The following NPNT variants were observed in gnomAD, a reference collection of about 807,000 sequenced individuals.
NPNT encodes the protein preosteoblast EGF-like repeat protein with MAM domain.
A neutral mutation model predicts 68.6 loss-of-function variants in NPNT; 45 were observed. The ratio of observed to expected loss-of-function variants is 0.66; its 90% CI spans 0.52 to 0.84. The LOEUF is 0.84. Ranked by LOEUF, NPNT falls within the 40% of genes least tolerant of loss-of-function variation. NPNT has a pLI of 0.00. For synonymous variants in NPNT, 233 were observed against 253.3 expected (o/e 0.92, Z 0.76); for missense variants, 672 against 714.8 (o/e 0.94, Z 0.68).
At chr4:105,950,975 AGACT>A (rs1253337577) in intron 8 of NPNT, among the ~76,000 whole-genome samples, 2 of 152,172 alleles carry the variant, frequency 1.3e-5, no homozygotes, top group Non-Finnish European at 2.9e-5. Flanking sequence ...GTTAAATTGA[AGACT>A]GACTGAGTGT....
chr4:105,896,537 T>C (rs1212952025), intron 1 of NPNT, among the ~76,000 whole-genome samples: 1 of 152,156 alleles, frequency 6.6e-6, no homozygotes, highest in African/African-American at 2.4e-5. Context: ...ACTAGGCTCG[T>C]CCCGGGTGCA....
intron 2 of NPNT, among the ~76,000 whole-genome samples, chr4:105,913,914 G>T (rs1028925768): frequency 6.6e-6 from 1 of 152,100 alleles, no homozygotes; most frequent in Non-Finnish European, 1.5e-5. Flanking sequence ...GAATTGAATT[G>T]TTGAATGTGA....
intron 7 of NPNT, 47 bp from the exon 8 acceptor site, chr4:105,942,260 T>C: frequency 2.7e-6 from 4 of 1,463,034 alleles, no homozygotes; most frequent in Non-Finnish European, 3.7e-6. Flanking sequence ...GCTTCACTTT[T>C]TAGGGAGGAA....
chr4:105,916,102 C>T (rs1727796324), intron 2 of NPNT, among the ~76,000 whole-genome samples: 1 of 152,174 alleles, frequency 6.6e-6, no homozygotes, highest in Admixed American at 6.5e-5. Flanking sequence ...TCATCCTCTA[C>T]AAACATATTT....
chr4:105,953,538 G>A (rs1730990076), intron 8 of NPNT, among the ~76,000 whole-genome samples: 1 of 152,172 alleles, frequency 6.6e-6, no homozygotes, highest in Admixed American at 6.5e-5. Context: ...CCTTTTATTT[G>A]CTTTTCTCTC....
Position 105,970,210 on chromosome 4 carries a change from A to G in NPNT, c.*1220A>G. On this transcript the variant is annotated 3_prime_UTR_variant, in exon 12 of 12. Transcript: ENST00000379987. ...ATGTGTTGGAACGGGATTTACACAC[A>G]CTGGAGGAGCAGGGCAAGTTGGAAT... The G allele has an allele frequency of 1.8e-6, 1 of 558,772 alleles. No individual in the cohort carries two copies. The highest frequency in any genetic ancestry group is 3.2e-6 in the Non-Finnish European group (1 of 311,582). 34.6% of individuals were successfully genotyped at this position (558,772 alleles called of 1,614,324 possible).
intron 10 of NPNT, among the ~76,000 whole-genome samples, chr4:105,962,430 T>C (rs996226624): frequency 6.6e-6 from 1 of 152,010 alleles, no homozygotes; most frequent in Non-Finnish European, 1.5e-5. Flanking sequence ...GGGTAAAAAA[T>C]ACAGGGAGAT....
chr4:105,916,220 A>G (rs1190709748), intron 2 of NPNT, among the ~76,000 whole-genome samples: 1 of 147,804 alleles, frequency 6.8e-6, no homozygotes, highest in East Asian at 1.9e-4. Context: ...GTGAATTCGT[A>G]CTTTTTTTTT....
chr4:105,907,631 A>G (rs1727016971), intron 2 of NPNT, among the ~76,000 whole-genome samples: 1 of 152,214 alleles, frequency 6.6e-6, no homozygotes, highest in South Asian at 2.1e-4. Context: ...ATAACCAGCT[A>G]CAACCATAGA....
intron 2 of NPNT, among the ~76,000 whole-genome samples, chr4:105,905,627 G>T (rs1352197741): frequency 6.6e-6 from 1 of 152,056 alleles, no homozygotes; most frequent in Non-Finnish European, 1.5e-5. Context: ...GCCATTACAT[G>T]AATGAATGTA....
intron 8 of NPNT, among the ~76,000 whole-genome samples, chr4:105,945,427 A>G (rs1354264261): frequency 6.6e-6 from 1 of 152,162 alleles, no homozygotes; most frequent in African/African-American, 2.4e-5. Flanking sequence ...TCTCAAACTC[A>G]ACATGTATAG....
chr4:105,936,393 A>G (rs4590036), intron 3 of NPNT, among the ~76,000 whole-genome samples: 89 of 152,128 alleles, frequency 5.9e-4, no homozygotes, highest in Admixed American at 1.6e-3. Context: ...AATATTGATC[A>G]CTCTTAATTT....
At chr4:105,909,839 C>T (rs755414832) in intron 2 of NPNT, among the ~76,000 whole-genome samples, 1 of 152,172 alleles carries the variant, frequency 6.6e-6, no homozygotes, top group Non-Finnish European at 1.5e-5. Flanking sequence ...TTTATGCATG[C>T]ACCTGGCATT....
At chr4:105,940,765 C>T in intron 7 of NPNT, 129 bp downstream of exon 7, 1 of 829,672 alleles carries the variant, frequency 1.2e-6, no homozygotes, top group Non-Finnish European at 1.9e-6. Context: ...TTATATTTGT[C>T]TTTGATTTCC....
intron 2 of NPNT, chr4:105,902,551 T>A (rs750778455): frequency 6.6e-6 from 1 of 152,152 alleles, no homozygotes; most frequent in Non-Finnish European, 1.5e-5. Flanking sequence ...GCAGAATCTG[T>A]TTTTTGTTTG....
intron 3 of NPNT, 94 bp downstream of exon 3, chr4:105,927,522 A>AT (rs1170342404): frequency 1.6e-6 from 1 of 613,504 alleles, no homozygotes; most frequent in Admixed American, 3.3e-5. Flanking sequence ...TTCCATGGCT[A>AT]TTTTTCCAAA....
intron 2 of NPNT, among the ~76,000 whole-genome samples, chr4:105,906,302 G>A (rs1490412550): frequency 6.6e-6 from 1 of 152,194 alleles, no homozygotes; most frequent in African/African-American, 2.4e-5. Context: ...CTTTCACGTG[G>A]CCCTTTACGG....
chr4:105,940,835 A>G (rs1729887956), intron 7 of NPNT, among the ~76,000 whole-genome samples, 199 bp downstream of exon 7: 1 of 152,204 alleles, frequency 6.6e-6, no homozygotes, highest in Non-Finnish European at 1.5e-5. Context: ...GTAATACACT[A>G]TAATCTTAAG....
chr4:105,967,621 T>C (rs545156134), intron 11 of NPNT, among the ~76,000 whole-genome samples, 177 bp downstream of exon 11: 1 of 152,246 alleles, frequency 6.6e-6, no homozygotes, highest in Non-Finnish European at 1.5e-5. Flanking sequence ...TTTCTGCTTC[T>C]TCATCCTTCT....
Sources: allele counts gnomAD v4.1 joint callset (sites outside exome capture counted in the v4.1 genomes callset), GRCh38; gene constraint gnomAD v4.1.1; transcripts MANE v1.5; gene names NCBI Gene and HGNC (gene_info 2026-07-23, HGNC 2026-07-21).